The following A1CF variants were observed in gnomAD, a reference collection of about 807,000 sequenced individuals.
A1CF encodes APOBEC1 complementation factor, also known as APOBEC-1 stimulating protein.
A neutral mutation model predicts 68.9 loss-of-function variants in A1CF; 48 were observed. The ratio of observed to expected loss-of-function variants is 0.70; its 90% CI spans 0.55 to 0.89. A1CF has a LOEUF of 0.89. Ranked by LOEUF, A1CF falls within the 40% of genes least tolerant of loss-of-function variation. A1CF has a pLI of 0.00. For missense variants in A1CF, 653 were observed against 718.9 expected, an observed-to-expected ratio of 0.91 and a Z score of 1.05; for synonymous variants, 272 against 260.4, an observed-to-expected ratio of 1.04 and a Z score of -0.43.
intron 1 of A1CF, among the ~76,000 whole-genome samples, chr10:50,868,530 A>T (rs767277049): frequency 2.0e-5 from 3 of 152,210 alleles, no homozygotes; most frequent in Non-Finnish European, 2.9e-5. Flanking sequence ...GCAACATCTT[A>T]GTTTTTTAAA....
intron 1 of A1CF, among the ~76,000 whole-genome samples, chr10:50,870,550 C>T (rs966852568): frequency 6.6e-6 from 1 of 151,534 alleles, no homozygotes; most frequent in African/African-American, 2.4e-5. Context: ...TGGACAAAAC[C>T]TTAGAAAAGT....
At chr10:50,850,571 A>C in intron 3 of A1CF, 1 of 1,508,386 alleles carries the variant, frequency 6.6e-7, no homozygotes, top group East Asian at 2.3e-5. Flanking sequence ...GTGTTTTTCA[A>C]AATTAGAAAA....
At chr10:50,864,626 C>CA (rs1589036764) in intron 1 of A1CF, among the ~76,000 whole-genome samples, 1 of 151,386 alleles carries the variant, frequency 6.6e-6, no homozygotes, top group East Asian at 1.9e-4. Flanking sequence ...CTTTTCTTTA[C>CA]TTTTTTTTTG....
intron 1 of A1CF, among the ~76,000 whole-genome samples, chr10:50,879,251 T>C (rs954773511): frequency 2.6e-5 from 4 of 152,220 alleles, no homozygotes; most frequent in African/African-American, 9.6e-5. Flanking sequence ...GACACAGACC[T>C]AGCAGCCCAA....
chr10:50,852,504 A>C (rs979426095), intron 3 of A1CF, among the ~76,000 whole-genome samples: 2 of 152,178 alleles, frequency 1.3e-5, no homozygotes, highest in African/African-American at 4.8e-5. Context: ...TTAGGGAAGC[A>C]TGAGCCTGTG....
intron 12 of A1CF, among the ~76,000 whole-genome samples, chr10:50,807,787 C>T (rs1230764767): frequency 6.6e-6 from 1 of 152,122 alleles, no homozygotes; most frequent in Non-Finnish European, 1.5e-5. Context: ...TACTTAAGTA[C>T]AAATGGGCAC....
At position 50,828,162 on chromosome 10, in the gene A1CF, C is replaced by T; in HGVS notation, c.738G>A (p.Met246Ile). The stretch of plus-strand genomic sequence containing the variant: ...TGATATTGTTGAATTCCTTTTCAAT[C>T]ATCTCTTCAGAGGTAGACAGCATAA... The part of the protein sequence containing the change: ...RNLMLSTSEE[M>I]IEKEFNNIKP... The change falls in exon 7 of 13, where the codon ATG becomes ATA. Residue 246 changes from methionine (M) to isoleucine (I), a missense_variant. By Grantham distance (10) the Met-to-Ile change is conservative. Transcript: ENST00000373997. 1 of 1,590,252 alleles carries T rather than the reference C, an allele frequency of 6.3e-7. No individual in the cohort carries two copies. The highest frequency in any genetic ancestry group is 1.1e-5 in the South Asian group (1 of 88,096).
At chr10:50,840,354 A>G (rs1016127732) in intron 5 of A1CF, among the ~76,000 whole-genome samples, 1 of 152,168 alleles carries the variant, frequency 6.6e-6, no homozygotes, top group Non-Finnish European at 1.5e-5. Flanking sequence ...TGTTATAGCA[A>G]TAAACCTATG....
In A1CF at chr10:50,812,313, C is replaced by G. The variant is rs376709611; in HGVS notation, c.1324-1137G>C. On this transcript the variant is annotated intron_variant, in intron 10 of 12. Coordinates refer to ENST00000373997, the MANE Select transcript of A1CF (RefSeq NM_014576.4). ...TCTGCTTCTGGCTGGAAGTTCACAA[C>G]TCTACTTTGGGATTGTTTAGGCCCC... 3.9e-4 allele frequency among the ~76,000 whole-genome samples: 60 copies of G among 152,324 alleles called. 2 individuals are homozygous for G. In the South Asian group the frequency reaches 0.011, roughly 29 times the overall value.
chr10:50,850,603 T>TGC, intron 3 of A1CF: 2 of 1,583,372 alleles, frequency 1.3e-6, no homozygotes, highest in Non-Finnish European at 1.7e-6. Context: ...TGTGTGTGTG[T>TGC]GTGTGTTTCT....
At chr10:50,810,207 G>T (rs1226505748) in intron 11 of A1CF, among the ~76,000 whole-genome samples, 165 bp from the exon 12 acceptor site, 1 of 152,168 alleles carries the variant, frequency 6.6e-6, no homozygotes, top group Non-Finnish European at 1.5e-5. Context: ...GTTGCATGTA[G>T]AAATATTTAC....
chr10:50,844,366 T>A (rs1334930798), intron 3 of A1CF, among the ~76,000 whole-genome samples: 1 of 147,232 alleles, frequency 6.8e-6, no homozygotes, highest in African/African-American at 2.6e-5. Flanking sequence ...TAGGCAAATA[T>A]TTTTTTTTTC....
chr10:50,846,321 A>C lies in A1CF; in HGVS notation c.100-2199T>G, dbSNP rs572668061. On this transcript the variant is annotated intron_variant, in intron 3 of 12. Coordinates refer to ENST00000373997, the MANE Select transcript of A1CF (RefSeq NM_014576.4). ...TTATAATGTATATGCAAAAATTCTA[A>C]AATTAAAAACGTCTGAAATCCAAAA... Among the ~76,000 whole-genome samples, 14 of 152,310 alleles carry C rather than the reference A, an allele frequency of 9.2e-5. No homozygotes were observed. The South Asian group carries it at 2.9e-3, about 32-fold the overall frequency.
chr10:50,824,584 TG>T (rs976410681), intron 7 of A1CF: 8 of 152,206 alleles, frequency 5.3e-5, no homozygotes, highest in Admixed American at 1.3e-4. Context: ...TGTATTTTTC[TG>T]GAATTTCTTA....
Position 50,814,035 on chromosome 10 carries a change from G to T in A1CF, c.1145C>A (p.Ala382Asp). The change falls in exon 10 of 13, where the codon GCT becomes GAT. Residue 382 changes from alanine (A) to aspartate (D), a missense_variant. By Grantham distance (126) the Ala-to-Asp change is moderately radical. Coordinates refer to ENST00000373997, the MANE Select transcript of A1CF (RefSeq NM_014576.4). ...AIIRAPSVRG[A>D]AGVRGLGGRG... ...GCCGCCCAGTCCTCTCACTCCCGCA[G>T]CCCCTACAGGTACATTCATGTAAAT... The T allele has an allele frequency of 6.2e-7, 1 of 1,613,416 alleles. No homozygotes were observed. Among genetic ancestry groups the T allele is most frequent in the South Asian group, 1.1e-5 (1 of 91,058 alleles).
intron 3 of A1CF, 60 bp downstream of exon 3, chr10:50,859,782 A>G: frequency 6.8e-7 from 1 of 1,477,280 alleles, no homozygotes; most frequent in South Asian, 1.2e-5. Flanking sequence ...TAGGACCTCC[A>G]ATATTCCCAC....
At chr10:50,819,618 G>A (rs555274324) in intron 8 of A1CF, among the ~76,000 whole-genome samples, 7 of 152,150 alleles carry the variant, frequency 4.6e-5, no homozygotes, top group South Asian at 2.1e-4. Flanking sequence ...GACCCTGACC[G>A]ATGCCAGATC....
In A1CF at chr10:50,855,361, T is replaced by G. The variant is rs10994734; in HGVS notation, c.99+4481A>C. ...TACACAGAGACAAAGACTGTTCACA[T>G]GTTAATACTGCAGCACACTTCCTTA... On this transcript the variant is annotated intron_variant, in intron 3 of 12. Coordinates refer to ENST00000373997, the MANE Select transcript of A1CF (RefSeq NM_014576.4). Among the ~76,000 whole-genome samples, 661 of 152,130 alleles carry G rather than the reference T, an allele frequency of 4.3e-3. 4 individuals carry two copies. Among genetic ancestry groups the G allele is most frequent in the African/African-American group, 0.015 (641 of 41,560 alleles).
At chr10:50,821,752 G>A (rs1838687163) in intron 7 of A1CF, among the ~76,000 whole-genome samples, 1 of 152,014 alleles carries the variant, frequency 6.6e-6, no homozygotes, top group African/African-American at 2.4e-5. Flanking sequence ...GGTCAGGCTG[G>A]TCTCGAACTC....
Sources: allele counts gnomAD v4.1 joint callset (sites outside exome capture counted in the v4.1 genomes callset), GRCh38; gene constraint gnomAD v4.1.1; transcripts MANE v1.5; gene names NCBI Gene and HGNC (gene_info 2026-07-23, HGNC 2026-07-21).